Variants in SDCBP observed in about 807,000 individuals in gnomAD.
The protein encoded by SDCBP is syndecan binding protein, also known as syntenin-1.
Under a neutral mutation model 30.5 loss-of-function variants are expected in SDCBP, and 22 were observed. That is an observed-to-expected ratio of 0.72 (90% CI 0.52 to 1.03). The LOEUF is 1.03. Ranked by LOEUF, SDCBP falls within the 50% of genes least tolerant of loss-of-function variation. SDCBP has a pLI of 0.00. For synonymous variants in SDCBP, 103 were observed against 118.7 expected (o/e 0.87, Z 0.86); for missense variants, 304 against 369.9 (o/e 0.82, Z 1.46).
chr8:58,566,087 C>T (rs2129607714), intron 2 of SDCBP, among the ~76,000 whole-genome samples: 1 of 152,248 alleles, frequency 6.6e-6, no homozygotes, highest in East Asian at 1.9e-4. Context: ...CTCAAAGTTT[C>T]AAGTGGCCTA....
chr8:58,561,721 A>C (rs951321742), intron 1 of SDCBP: 5 of 673,886 alleles, frequency 7.4e-6, no homozygotes, highest in Non-Finnish European at 1.3e-5. Context: ...AAACAAAAGT[A>C]TGTTCAACAT....
intron 4 of SDCBP, 63 bp from the exon 5 acceptor site, chr8:58,575,837 T>C: frequency 7.2e-7 from 1 of 1,397,534 alleles, no homozygotes; most frequent in African/African-American, 1.4e-5. Context: ...TCCAGTTAAT[T>C]ATCATTGTTT....
intron 1 of SDCBP, among the ~76,000 whole-genome samples, chr8:58,556,926 T>C (rs902253978): frequency 7.6e-6 from 1 of 131,934 alleles, no homozygotes; most frequent in African/African-American, 2.8e-5. Flanking sequence ...TAATTATATA[T>C]AATATATATT....
intron 2 of SDCBP, among the ~76,000 whole-genome samples, chr8:58,568,929 G>T (rs1475889524): frequency 6.6e-6 from 1 of 152,178 alleles, no homozygotes. Context: ...CTGTTGCCCA[G>T]GCTGGAGTAC....
intron 1 of SDCBP, among the ~76,000 whole-genome samples, chr8:58,554,194 C>T (rs1585669337): frequency 6.6e-6 from 1 of 152,148 alleles, no homozygotes. Context: ...TTAGAAAGTA[C>T]GCTCGGCTTA....
chr8:58,578,773 C>A (rs146133140), intron 6 of SDCBP, among the ~76,000 whole-genome samples: 7 of 152,162 alleles, frequency 4.6e-5, no homozygotes, highest in Non-Finnish European at 1.0e-4. Context: ...TGCATTGTTA[C>A]AGTAAGCTTT....
At chr8:58,555,974 A>G (rs1008284052) in intron 1 of SDCBP, among the ~76,000 whole-genome samples, 2 of 152,182 alleles carry the variant, frequency 1.3e-5, no homozygotes, top group Middle Eastern at 3.2e-3. Flanking sequence ...TAGAAATTTT[A>G]ATAACTGCTT....
At chr8:58,578,346 G>C in intron 6 of SDCBP, 138 bp downstream of exon 6, 2 of 535,420 alleles carry the variant, frequency 3.7e-6, no homozygotes, top group Non-Finnish European at 6.2e-6. Context: ...TCTTGCAGTT[G>C]TGTGGTGCAG....
chr8:58,568,949 G>T (rs1804861742), intron 2 of SDCBP, among the ~76,000 whole-genome samples: 1 of 151,844 alleles, frequency 6.6e-6, no homozygotes, highest in Non-Finnish European at 1.5e-5. Context: ...CAGTGGCACA[G>T]TCATGGTTCA....
At chr8:58,580,127 A>C (rs1055714981) in intron 7 of SDCBP, among the ~76,000 whole-genome samples, 15 of 152,178 alleles carry the variant, frequency 9.9e-5, no homozygotes, top group African/African-American at 3.1e-4. Context: ...GGTTCATATT[A>C]ATACTTTATT....
Position 58,571,646 on chromosome 8 carries a change from A to C in SDCBP, c.131-559A>C, listed in dbSNP as rs1644180395. Among the ~76,000 whole-genome samples the C allele has an allele frequency of 2.6e-5, 4 of 151,978 alleles. No individual in the cohort carries two copies. The South Asian group carries it at 8.3e-4, about 31-fold the overall frequency. On this transcript the variant is annotated intron_variant, in intron 3 of 8. Transcript: ENST00000260130. ...TTTTGGAAATAGTATATAACTACTA[A>C]TAAGTGAAATAATGTTAATATTTAA... is the stretch of plus-strand genomic sequence containing the variant.
At chr8:58,579,164 T>C (rs1805526465) in intron 6 of SDCBP, among the ~76,000 whole-genome samples, 1 of 152,198 alleles carries the variant, frequency 6.6e-6, no homozygotes, top group Non-Finnish European at 1.5e-5. Context: ...TAGCAATGTA[T>C]AAAATTTTCA....
rs532044811 is a variant in SDCBP, at chr8:58,579,406, T to C, written c.579-217T>C. Among the ~76,000 whole-genome samples, 3 of 152,340 alleles carry C rather than the reference T, an allele frequency of 2.0e-5. No individual in the cohort carries two copies. The East Asian group carries it at 5.8e-4, about 29-fold the overall frequency. On this transcript the variant is annotated intron_variant, in intron 6 of 8. Coordinates refer to ENST00000260130, the MANE Select transcript of SDCBP (RefSeq NM_005625.4). ...TCTTTTATACTTAAAGAAGGAAATG[T>C]TGATTAGTAAATCAGTCAAACCATA...
At chr8:58,570,863 G>C (rs769114661) in intron 2 of SDCBP, 24 bp from the exon 3 acceptor site, 1 of 1,569,526 alleles carries the variant, frequency 6.4e-7, no homozygotes, top group South Asian at 1.1e-5. Context: ...CATATTGTTA[G>C]AATTTTCTTC....
At chr8:58,556,112 C>T (rs1005802788) in intron 1 of SDCBP, among the ~76,000 whole-genome samples, 2 of 152,068 alleles carry the variant, frequency 1.3e-5, no homozygotes, top group African/African-American at 2.4e-5. Flanking sequence ...ATGATTCTGC[C>T]GTCCTAAATT....
chr8:58,563,034 C>CTA (rs1804520304), intron 1 of SDCBP, among the ~76,000 whole-genome samples: 1 of 152,128 alleles, frequency 6.6e-6, no homozygotes, highest in Admixed American at 6.6e-5. Context: ...CCATATGACC[C>CTA]AGCAGTTGCA....
rs1337368904 is a variant in SDCBP, at chr8:58,581,979, T to G, written c.*239T>G. On this transcript the variant is annotated 3_prime_UTR_variant, in exon 9 of 9. Coordinates refer to ENST00000260130, the MANE Select transcript of SDCBP (RefSeq NM_005625.4). The stretch of plus-strand genomic sequence containing the variant: ...AAACTTTCAAGAGATTTACTGACTT[T>G]CCTAGAATAGTTTCTCTACTGGAAA... 5 of 495,776 alleles carry G rather than the reference T, an allele frequency of 1.0e-5. No individual in the cohort carries two copies. The Admixed American group carries it at 1.8e-4, about 17-fold the overall frequency. 30.7% of individuals were successfully genotyped at this position (495,776 alleles called of 1,614,324 possible). A position where few individuals can be genotyped will look rare whatever the true frequency, so the allele number is the denominator to read the frequency against.
intron 1 of SDCBP, among the ~76,000 whole-genome samples, chr8:58,557,673 AT>A (rs1046929364): frequency 1.1e-4 from 16 of 151,822 alleles, no homozygotes; most frequent in African/African-American, 3.6e-4. Context: ...ATTGCAAATA[AT>A]GTAGTGTGGG....
intron 2 of SDCBP, among the ~76,000 whole-genome samples, chr8:58,568,077 CT>C (rs1211655204): frequency 6.6e-6 from 1 of 152,084 alleles, no homozygotes; most frequent in East Asian, 1.9e-4. Context: ...AAAAATTTTT[CT>C]TTCTCGAATT....
Sources: allele counts gnomAD v4.1 joint callset (sites outside exome capture counted in the v4.1 genomes callset), GRCh38; gene constraint gnomAD v4.1.1; transcripts MANE v1.5; gene names NCBI Gene and HGNC (gene_info 2026-07-23, HGNC 2026-07-21).